RGS6: variants seen among roughly 807,000 people sequenced by gnomAD.
RGS6 encodes regulator of G protein signaling 6, also known as regulator of G-protein signaling 6.
In RGS6, 30 loss-of-function variants were observed where a neutral mutation model predicts 78.5. The observed-to-expected ratio is 0.38, with a 90% CI of 0.29 to 0.52. The LOEUF (loss-of-function observed/expected upper bound fraction) is 0.52. Among genes scored for constraint, RGS6 ranks in the 20% least tolerant of loss-of-function variants. RGS6 has a pLI of 0.85. For synonymous variants in RGS6, 206 were observed against 206.0 expected, an observed-to-expected ratio of 1.00 and a Z score of 0.00; for missense variants, 495 against 609.7, an observed-to-expected ratio of 0.81 and a Z score of 1.98.
chr14:72,234,144 A>G (rs1214990126), intron 2 of RGS6, among the ~76,000 whole-genome samples: 1 of 151,980 alleles, frequency 6.6e-6, no homozygotes, highest in Admixed American at 6.6e-5. Flanking sequence ...CTTTGCGTAC[A>G]CTGCCTTTAA....
chr14:72,614,446 G>A, the RGS6 span, among the ~76,000 whole-genome samples: 1 of 152,140 alleles, frequency 6.6e-6, no homozygotes, highest in Non-Finnish European at 1.5e-5. Context: ...GGGGAGAGGA[G>A]CAGGATGGCC....
At chr14:72,484,402 T>C (rs543471087) in intron 12 of RGS6, among the ~76,000 whole-genome samples, 1 of 152,280 alleles carries the variant, frequency 6.6e-6, no homozygotes, top group African/African-American at 2.4e-5. Context: ...GCCATGTCAG[T>C]ATCTCTTCAT....
rs554119995 is a variant in RGS6 at position 72,555,226 on chromosome 14, C to T, written c.1423-7191C>T. Among the ~76,000 whole-genome samples, 192 of 152,346 alleles carry T rather than the reference C, an allele frequency of 1.3e-3. 1 individual carries two copies. Among genetic ancestry groups the T allele is most frequent in the African/African-American group, 4.4e-3 (184 of 41,584 alleles). On this transcript the variant is annotated intron_variant, in intron 17 of 17. Coordinates refer to ENST00000553525, the MANE Select transcript of RGS6 (RefSeq NM_001204424.2). The stretch of plus-strand genomic sequence containing the variant: ...CATTTGCCATGTGTGTTCCTAGAGG[C>T]ATCAGCATCAGTAACACAGGGCCAC...
chr14:72,513,734 T>C (rs1418128986), intron 14 of RGS6: 2 of 152,262 alleles, frequency 1.3e-5, no homozygotes, highest in Admixed American at 1.3e-4. Flanking sequence ...CACAAATCTT[T>C]GTCCTCCCTG....
At chr14:72,277,336 G>A (rs997737029) in intron 2 of RGS6, among the ~76,000 whole-genome samples, 1 of 152,130 alleles carries the variant, frequency 6.6e-6, no homozygotes, top group African/African-American at 2.4e-5. Flanking sequence ...GGTGGCTCAC[G>A]CCTGTAATCC....
chr14:71,932,525 C>T lies in RGS6; in HGVS notation c.-437C>T, dbSNP rs1274705216. 6.6e-6 allele frequency: 1 copy of T among 152,062 alleles called. No individual in the cohort carries two copies. The highest frequency in any genetic ancestry group is 6.6e-5 in the Admixed American group (1 of 15,264). The allele number at this position is 152,062 out of a possible 1,614,324, so 9.4% of individuals were successfully genotyped here. ...CGCGTTCCTACAGCCGCCGGAGCCGCCAGGCGCCGAGGGAACGGACAGACC... is the reference window on the plus strand; with the variant it reads ...CGCGTTCCTACAGCCGCCGGAGCCGTCAGGCGCCGAGGGAACGGACAGACC... On this transcript the variant is annotated 5_prime_UTR_variant, in exon 1 of 18. Coordinates refer to ENST00000553525, the MANE Select transcript of RGS6 (RefSeq NM_001204424.2).
intron 2 of RGS6, among the ~76,000 whole-genome samples, chr14:72,110,926 C>G (rs906330007): frequency 6.6e-6 from 1 of 152,144 alleles, no homozygotes; most frequent in Non-Finnish European, 1.5e-5. Context: ...TTGCCTCACT[C>G]TGATCCCTCT....
At chr14:72,231,593 G>A (rs187458979) in intron 2 of RGS6, among the ~76,000 whole-genome samples, 8 of 152,300 alleles carry the variant, frequency 5.3e-5, no homozygotes, top group East Asian at 1.9e-4. Flanking sequence ...AGTGGTAAGC[G>A]TGTTATGAAG....
intron 2 of RGS6, among the ~76,000 whole-genome samples, chr14:72,341,630 G>A (rs1168456403): frequency 6.6e-6 from 1 of 152,190 alleles, no homozygotes; most frequent in Non-Finnish European, 1.5e-5. Context: ...AAACAGGCTG[G>A]GAGGAGTGGT....
intron 13 of RGS6, among the ~76,000 whole-genome samples, chr14:72,495,749 A>G: frequency 6.6e-6 from 1 of 152,170 alleles, no homozygotes; most frequent in Non-Finnish European, 1.5e-5. Flanking sequence ...AGTACAGCAG[A>G]GTTAGGACTA....
At chr14:72,065,021 A>G (rs1447886897) in intron 2 of RGS6, among the ~76,000 whole-genome samples, 1 of 152,198 alleles carries the variant, frequency 6.6e-6, no homozygotes, top group Admixed American at 6.5e-5. Context: ...GATTCATTTC[A>G]TATTTATTTA....
chr14:72,315,165 T>G (rs1423325830), intron 2 of RGS6, among the ~76,000 whole-genome samples: 1 of 152,198 alleles, frequency 6.6e-6, no homozygotes, highest in Non-Finnish European at 1.5e-5. Context: ...GCTGAGAGAT[T>G]AGAAACAAAA....
intron 1 of RGS6, among the ~76,000 whole-genome samples, chr14:71,955,857 G>A (rs535138877): frequency 6.6e-6 from 1 of 152,126 alleles, no homozygotes; most frequent in Non-Finnish European, 1.5e-5. Flanking sequence ...TACTCAAGAT[G>A]GAGTTGCTCT....
At chr14:72,119,999 G>A (rs994437847) in intron 2 of RGS6, among the ~76,000 whole-genome samples, 4 of 152,170 alleles carry the variant, frequency 2.6e-5, no homozygotes, top group Admixed American at 1.3e-4. Flanking sequence ...CTGGAGCTGC[G>A]GAGGAAGTAG....
chr14:72,414,335 C>T (rs928452204), intron 3 of RGS6, among the ~76,000 whole-genome samples: 6 of 152,142 alleles, frequency 3.9e-5, no homozygotes, highest in Non-Finnish European at 8.8e-5. Context: ...TTGATGATAT[C>T]CTTTCTTCCA....
chr14:72,534,505 A>G (rs2097220696), intron 15 of RGS6, among the ~76,000 whole-genome samples: 1 of 152,212 alleles, frequency 6.6e-6, no homozygotes, highest in Non-Finnish European at 1.5e-5. Flanking sequence ...AGGTTTGTTC[A>G]TGTTATCACA....
intron 3 of RGS6, among the ~76,000 whole-genome samples, chr14:72,399,241 ATAGT>A (rs1011394960): frequency 2.1e-4 from 32 of 151,902 alleles, no homozygotes; most frequent in Middle Eastern, 3.4e-3. Flanking sequence ...TATATTTAGG[ATAGT>A]TAGTTCTTCT....
intron 6 of RGS6, among the ~76,000 whole-genome samples, chr14:72,464,470 T>G (rs867597482): frequency 3.2e-4 from 49 of 152,152 alleles, no homozygotes; most frequent in African/African-American, 1.2e-3. Flanking sequence ...GCTTCCAGGC[T>G]CCAAAATGTC....
intron 12 of RGS6, among the ~76,000 whole-genome samples, chr14:72,483,019 C>G (rs1598177601): frequency 6.6e-6 from 1 of 152,162 alleles, no homozygotes; most frequent in East Asian, 1.9e-4. Context: ...CTTATGCTCA[C>G]TTATCTCATT....
Sources: gnomAD v4.1 joint callset for allele counts (sites outside exome capture counted in the v4.1 genomes callset) on GRCh38, gnomAD v4.1.1 for gene constraint, MANE v1.5 for transcripts, NCBI Gene and HGNC (gene_info 2026-07-23, HGNC 2026-07-21) for gene names.